Variants in PLCB1 observed in about 807,000 individuals in gnomAD.
The protein encoded by PLCB1 is phospholipase C beta 1, also known as 1-phosphatidylinositol 4,5-bisphosphate phosphodiesterase beta-1.
A neutral mutation model predicts 161.8 loss-of-function variants in PLCB1; 46 were observed. That is an observed-to-expected ratio of 0.28 (90% confidence interval 0.22 to 0.36). The LOEUF (loss-of-function observed/expected upper bound fraction) is 0.36, where lower values mean the gene tolerates loss of function less well. Among genes scored for constraint, PLCB1 ranks in the 10% least tolerant of loss-of-function variants. The probability of loss-of-function intolerance (pLI) is 1.00; values close to 1 mark genes in which losing one functional copy is unlikely to be tolerated. For missense variants in PLCB1, 1,016 were observed against 1,472.5 expected, an observed-to-expected ratio of 0.69 and a Z score of 5.07; for synonymous variants, 517 against 503.7, an observed-to-expected ratio of 1.03 and a Z score of -0.35.
At chr20:8,830,916 G>T (rs1985949708) in intron 31 of PLCB1, among the ~76,000 whole-genome samples, 1 of 152,080 alleles carries the variant, frequency 6.6e-6, no homozygotes, top group African/African-American at 2.4e-5. Flanking sequence ...TATTACTGCT[G>T]CTTAAATTCA....
chr20:8,180,488 CCCT>C (rs1301666094), intron 2 of PLCB1, among the ~76,000 whole-genome samples: 1 of 152,070 alleles, frequency 6.6e-6, no homozygotes, highest in African/African-American at 2.4e-5. Flanking sequence ...AGGCAGAAGA[CCCT>C]CCTCCTCAGA....
At chr20:8,602,280 A>C (rs372754189) in intron 3 of PLCB1, among the ~76,000 whole-genome samples, 1 of 152,118 alleles carries the variant, frequency 6.6e-6, no homozygotes, top group African/African-American at 2.4e-5. Flanking sequence ...TTTATAACAG[A>C]CCTTAAACTG....
At chr20:8,149,683 T>A (rs1312595637) in intron 1 of PLCB1, among the ~76,000 whole-genome samples, 1 of 152,172 alleles carries the variant, frequency 6.6e-6, no homozygotes, top group Non-Finnish European at 1.5e-5. Flanking sequence ...TAGAAATGTT[T>A]AATATTATAA....
chr20:8,404,810 A>G (rs562306247), intron 3 of PLCB1, among the ~76,000 whole-genome samples: 5 of 152,330 alleles, frequency 3.3e-5, no homozygotes, highest in South Asian at 4.1e-4. Context: ...TTTTGGAAGT[A>G]TGGCTTTAAC....
At chr20:8,683,383 ACT>A (rs1990269303) in intron 9 of PLCB1, among the ~76,000 whole-genome samples, 1 of 129,348 alleles carries the variant, frequency 7.7e-6, no homozygotes, top group Admixed American at 8.3e-5. Context: ...AGTAATAAAA[ACT>A]GTTTCAACAA....
chr20:8,748,666 G>A (rs1981294182), intron 23 of PLCB1, among the ~76,000 whole-genome samples: 1 of 152,092 alleles, frequency 6.6e-6, no homozygotes, highest in Non-Finnish European at 1.5e-5. Flanking sequence ...GTGCATACAG[G>A]TGCAGGAAAT....
chr20:8,675,796 T>G (rs905464474), intron 9 of PLCB1, among the ~76,000 whole-genome samples: 45 of 152,224 alleles, frequency 3.0e-4, no homozygotes, highest in African/African-American at 9.4e-4. Flanking sequence ...TCTGGCTATA[T>G]GTTTACAGCA....
intron 2 of PLCB1, among the ~76,000 whole-genome samples, chr20:8,180,925 T>G (rs1027070318): frequency 6.8e-6 from 1 of 146,510 alleles, no homozygotes; most frequent in African/African-American, 2.6e-5. Flanking sequence ...TTTTCATACA[T>G]TCATAATGTA....
intron 3 of PLCB1, among the ~76,000 whole-genome samples, chr20:8,604,648 G>A (rs937860101): frequency 1.3e-5 from 2 of 152,128 alleles, no homozygotes; most frequent in African/African-American, 4.8e-5. Flanking sequence ...TTGCTAGGGT[G>A]AAGACTATAA....
At chr20:8,677,853 A>G (rs775283948) in intron 9 of PLCB1, among the ~76,000 whole-genome samples, 29 of 152,204 alleles carry the variant, frequency 1.9e-4, no homozygotes, top group Admixed American at 9.2e-4. Flanking sequence ...ACATTCATGA[A>G]TGCTTTCTCT....
chr20:8,237,263 A>G (rs1435558639), intron 2 of PLCB1, among the ~76,000 whole-genome samples: 1 of 152,116 alleles, frequency 6.6e-6, no homozygotes, highest in African/African-American at 2.4e-5. Flanking sequence ...ATATGTCAAT[A>G]GTGGAATCGT....
At chr20:8,366,980 C>T (rs1312090993) in intron 2 of PLCB1, among the ~76,000 whole-genome samples, 1 of 152,186 alleles carries the variant, frequency 6.6e-6, no homozygotes, top group Non-Finnish European at 1.5e-5. Context: ...GGGAGAACAT[C>T]TGTGACAAAC....
chr20:8,298,550 C>T (rs1017531509), intron 2 of PLCB1, among the ~76,000 whole-genome samples: 1 of 150,002 alleles, frequency 6.7e-6, no homozygotes, highest in Non-Finnish European at 1.5e-5. Flanking sequence ...ACCTTATTCA[C>T]TGACTGAACT....
chr20:8,253,748 T>C (rs571567430), intron 2 of PLCB1, among the ~76,000 whole-genome samples: 1 of 151,652 alleles, frequency 6.6e-6, no homozygotes, highest in Non-Finnish European at 1.5e-5. Flanking sequence ...GGTACCTGAG[T>C]TTTTCAACTC....
At chr20:8,444,716 T>C (rs1980735919) in intron 3 of PLCB1, among the ~76,000 whole-genome samples, 1 of 152,224 alleles carries the variant, frequency 6.6e-6, no homozygotes, top group African/African-American at 2.4e-5. Context: ...ACCTGTTGTT[T>C]CCTGACTTTT....
chr20:8,216,981 C>A (rs966657440), intron 2 of PLCB1, among the ~76,000 whole-genome samples: 1 of 152,116 alleles, frequency 6.6e-6, no homozygotes, highest in Non-Finnish European at 1.5e-5. Context: ...CAAATGTGTC[C>A]TCTTGTGCGT....
chr20:8,422,186 C>T (rs1979565952), intron 3 of PLCB1, among the ~76,000 whole-genome samples: 2 of 152,264 alleles, frequency 1.3e-5, no homozygotes, highest in African/African-American at 2.4e-5. Context: ...CCAGGCATAG[C>T]GTCAGCTGGT....
At chr20:8,451,557 A>C (rs1054806286) in intron 3 of PLCB1, among the ~76,000 whole-genome samples, 2 of 151,892 alleles carry the variant, frequency 1.3e-5, no homozygotes, top group African/African-American at 4.8e-5. Context: ...ACCATGTTGG[A>C]CAGGCTGGTC....
intron 3 of PLCB1, among the ~76,000 whole-genome samples, chr20:8,384,903 C>G (rs553132950): frequency 1.3e-5 from 2 of 152,142 alleles, no homozygotes; most frequent in African/African-American, 2.4e-5. Flanking sequence ...GTGCCTGCTC[C>G]TTCTTCTGGC....
Sources: allele counts gnomAD v4.1 joint callset (sites outside exome capture counted in the v4.1 genomes callset), GRCh38; gene constraint gnomAD v4.1.1; transcripts MANE v1.5; gene names NCBI Gene and HGNC (gene_info 2026-07-23, HGNC 2026-07-21).